COL26A1: variants seen among roughly 807,000 people sequenced by gnomAD.
The protein encoded by COL26A1 is collagen alpha-1(XXVI) chain.
In COL26A1, 41 loss-of-function variants were observed where a neutral mutation model predicts 59.3. The observed-to-expected ratio is 0.69, with a 90% CI of 0.54 to 0.90. The LOEUF is 0.90. Among genes scored for constraint, COL26A1 ranks in the 40% least tolerant of loss-of-function variants. COL26A1 has a pLI of 0.00. For synonymous variants in COL26A1, 266 were observed against 256.0 expected (o/e 1.04, Z -0.37); for missense variants, 612 against 602.3 (o/e 1.02, Z -0.17).
intron 2 of COL26A1, among the ~76,000 whole-genome samples, chr7:101,435,650 CTCGG>C (rs1382794859): frequency 6.6e-6 from 1 of 152,054 alleles, no homozygotes; most frequent in Non-Finnish European, 1.5e-5. Flanking sequence ...TCCTAAACCC[CTCGG>C]TTGGCTGCTG....
chr7:101,524,814 A>G (rs1395718342), intron 3 of COL26A1, among the ~76,000 whole-genome samples: 1 of 152,178 alleles, frequency 6.6e-6, no homozygotes, highest in African/African-American at 2.4e-5. Context: ...TAATTCTATA[A>G]CAGTAGTTTT....
At chr7:101,496,125 C>T (rs1291677329) in intron 3 of COL26A1, among the ~76,000 whole-genome samples, 2 of 152,058 alleles carry the variant, frequency 1.3e-5, no homozygotes, top group African/African-American at 2.4e-5. Context: ...TAGGCATGGC[C>T]CAGTTCCCAG....
chr7:101,442,515 T>A (rs1793083408), intron 2 of COL26A1, among the ~76,000 whole-genome samples: 1 of 152,194 alleles, frequency 6.6e-6, no homozygotes, highest in African/African-American at 2.4e-5. Context: ...TATTTTGATT[T>A]CCTTCCTTAT....
intron 5 of COL26A1, among the ~76,000 whole-genome samples, chr7:101,541,524 T>TA (rs1795617526): frequency 6.6e-6 from 1 of 150,732 alleles, no homozygotes; most frequent in Non-Finnish European, 1.5e-5. Context: ...TTTTTTTTTT[T>TA]AATTTTTAGT....
At chr7:101,530,989 GAGA>G (rs1309177249) in intron 3 of COL26A1, among the ~76,000 whole-genome samples, 3 of 147,712 alleles carry the variant, frequency 2.0e-5, no homozygotes, top group Admixed American at 6.7e-5. Context: ...TTTTTGTTTT[GAGA>G]AGAAGTCTCA....
intron 3 of COL26A1, among the ~76,000 whole-genome samples, chr7:101,531,755 A>G (rs1584491151): frequency 6.6e-6 from 1 of 151,710 alleles, no homozygotes; most frequent in African/African-American, 2.4e-5. Context: ...TCTATTGCAG[A>G]GGAATCGCCC....
chr7:101,517,990 A>C (rs113967151), intron 3 of COL26A1, among the ~76,000 whole-genome samples: 1,845 of 151,616 alleles, frequency 0.012, 39 homozygotes, highest in African/African-American at 0.041. Flanking sequence ...TGTTCTAAAA[A>C]ACTTTGAGAG....
At chr7:101,390,153 T>G (rs1407301646) in intron 1 of COL26A1, among the ~76,000 whole-genome samples, 2 of 31,684 alleles carry the variant, frequency 6.3e-5, no homozygotes, top group East Asian at 5.1e-4. Flanking sequence ...TAAGGGTTTT[T>G]TTTTTTTTTT....
chr7:101,377,551 C>T (rs536134572), intron 1 of COL26A1, among the ~76,000 whole-genome samples: 10 of 152,216 alleles, frequency 6.6e-5, no homozygotes, highest in East Asian at 3.9e-4. Flanking sequence ...CTTAGCCTCT[C>T]GAGTAGGTGG....
At chr7:101,374,662 G>A (rs578000358) in intron 1 of COL26A1, among the ~76,000 whole-genome samples, 69 of 152,264 alleles carry the variant, frequency 4.5e-4, no homozygotes, top group African/African-American at 1.5e-3. Flanking sequence ...AGATGGGACC[G>A]TCTAGTTGCA....
intron 4 of COL26A1, among the ~76,000 whole-genome samples, chr7:101,539,294 A>ATGTGTGTG (rs769498284): frequency 1.5e-5 from 2 of 135,906 alleles, no homozygotes; most frequent in Admixed American, 7.4e-5. Context: ...GTGTGTGTGT[A>ATGTGTGTG]TGTGTGTGTG....
At chr7:101,493,923 ACT>A (rs1460866389) in intron 3 of COL26A1, among the ~76,000 whole-genome samples, 4 of 133,792 alleles carry the variant, frequency 3.0e-5, no homozygotes, top group East Asian at 4.1e-4. Context: ...ACAGAGCGAG[ACT>A]CTGTCTCAAA....
chr7:101,511,962 A>G (rs987093477), intron 3 of COL26A1, among the ~76,000 whole-genome samples: 10 of 152,136 alleles, frequency 6.6e-5, no homozygotes, highest in African/African-American at 2.4e-4. Flanking sequence ...ACACCACTGC[A>G]CTCCAGCCTG....
At chr7:101,363,297 C>T (rs1240335430) in intron 1 of COL26A1, 107 bp downstream of exon 1, 21 of 970,670 alleles carry the variant, frequency 2.2e-5, no homozygotes, top group Non-Finnish European at 2.9e-5. Flanking sequence ...GAGAGCGGGG[C>T]GATCCGGGAC....
In COL26A1 at chr7:101,557,107, G is replaced by A. The variant is rs189288751; in HGVS notation, c.1166-263G>A. Among the ~76,000 whole-genome samples, 5 of 152,130 alleles carry A rather than the reference G, an allele frequency of 3.3e-5. No individual in the cohort carries two copies. In the East Asian group the frequency reaches 9.7e-4, roughly 30 times the overall value. On this transcript the variant is annotated intron_variant, in intron 12 of 12. Transcript: ENST00000313669. ...TAGATAAATGAGTGACTGAGTGGGT[G>A]GATGAATGGGTGAATGGATGAATGG...
intron 1 of COL26A1, among the ~76,000 whole-genome samples, chr7:101,385,367 G>GTGTATATATATATATA (rs896826101): frequency 5.8e-4 from 79 of 137,020 alleles, no homozygotes; most frequent in African/African-American, 1.9e-3. Flanking sequence ...ATATATGTGT[G>GTGTATATATATATATA]TATATATATA....
chr7:101,426,213 G>T (rs909471329), intron 2 of COL26A1, among the ~76,000 whole-genome samples: 2 of 152,156 alleles, frequency 1.3e-5, no homozygotes, highest in Non-Finnish European at 2.9e-5. Context: ...AGCGAGCAGA[G>T]CCTGGGTGGG....
At chr7:101,493,757 TA>T (rs57268952) in intron 3 of COL26A1, among the ~76,000 whole-genome samples, 5,042 of 69,166 alleles carry the variant, frequency 0.073, 277 homozygotes, top group East Asian at 0.34. Context: ...CCATCTCTAC[TA>T]AAAAAAAAAA....
intron 11 of COL26A1, 37 bp downstream of exon 11, chr7:101,553,413 C>T: frequency 6.2e-7 from 1 of 1,603,616 alleles, no homozygotes; most frequent in Non-Finnish European, 8.5e-7. Context: ...CTCCCGCCTC[C>T]TTGGCTGTGA....
Sources: allele counts gnomAD v4.1 joint callset (sites outside exome capture counted in the v4.1 genomes callset), GRCh38; gene constraint gnomAD v4.1.1; transcripts MANE v1.5; gene names NCBI Gene and HGNC (gene_info 2026-07-23, HGNC 2026-07-21).